The following SACS variants were observed in gnomAD, a reference collection of about 807,000 sequenced individuals.
SACS encodes the protein sacsin.
A neutral mutation model predicts 348.0 loss-of-function variants in SACS; 197 were observed. That is an observed-to-expected ratio of 0.57 (90% CI 0.50 to 0.64). The LOEUF (loss-of-function observed/expected upper bound fraction) is 0.64, where lower values mean the gene tolerates loss of function less well. Ranked by LOEUF, SACS falls within the 30% of genes least tolerant of loss-of-function variation. The pLI is 0.00. For missense variants in SACS, 4,999 were observed against 5,360.8 expected (o/e 0.93, Z 2.11); for synonymous variants, 1,985 against 1,910.6 (o/e 1.04, Z -1.02).
intron 4 of SACS, among the ~76,000 whole-genome samples, chr13:23,368,968 G>C (rs372236545): frequency 6.6e-6 from 1 of 152,208 alleles, no homozygotes; most frequent in African/African-American, 2.4e-5. Context: ...CAAAGTGCTG[G>C]GATTCCAGGC....
intron 2 of SACS, among the ~76,000 whole-genome samples, chr13:23,401,539 C>T (rs1263144811): frequency 6.6e-6 from 1 of 152,216 alleles, no homozygotes; most frequent in African/African-American, 2.4e-5. Flanking sequence ...ATCAGGACTT[C>T]CTGAGGCTAT....
rs1566056664 is a variant in SACS at position 23,331,685 on chromosome 13, G to A, written c.12191C>T (p.Pro4064Leu). 1 of 1,613,884 alleles carries A rather than the reference G, an allele frequency of 6.2e-7. No homozygotes were observed. The highest frequency in any genetic ancestry group is 8.5e-7 in the Non-Finnish European group (1 of 1,179,944). Residue 4064 changes from proline (P) to leucine (L), a missense_variant, in exon 10 of 10, where the codon CCT (proline) becomes CTT (leucine). Physicochemically the swap from Pro to Leu is moderately conservative, Grantham distance 98. Transcript: ENST00000382292. ...AGTTTCACTTCTGCTGTGGGGAATAGGATTAAAACCTTTAACTCTTAATGT... is the reference window on the plus strand; with the variant it reads ...AGTTTCACTTCTGCTGTGGGGAATAAGATTAAAACCTTTAACTCTTAATGT... ...QTTLRVKGFN[P>L]IPHSRSETFA... is the part of the protein sequence containing the mutation.
At chr13:23,364,440 C>A (rs552025119) in intron 6 of SACS, among the ~76,000 whole-genome samples, 1 of 144,246 alleles carries the variant, frequency 6.9e-6, no homozygotes, top group East Asian at 2.2e-4. Flanking sequence ...GCCACCACGC[C>A]CAGCTAATTT....
Position 23,355,067 on chromosome 13 carries a change from A to G in SACS, c.1545T>C (p.Arg515=). Reference sequence around the variant, plus strand: ...AATCAGAGCTCTTTTCCATCTCCAGACGTTTTATTGAATCTAAGATCAGAG... The same window carrying G: ...AATCAGAGCTCTTTTCCATCTCCAGGCGTTTTATTGAATCTAAGATCAGAG... ...YATLILDSIK[R]LEMEKSSDFP... Residue 515 remains arginine (R), a synonymous_variant, in exon 8 of 10, where the codon CGT becomes CGC. Coordinates refer to ENST00000382292, the MANE Select transcript of SACS (RefSeq NM_014363.6). 1 of 1,614,170 alleles carries G rather than the reference A, an allele frequency of 6.2e-7. No individual in the cohort carries two copies. Among genetic ancestry groups the G allele is most frequent in the Non-Finnish European group, 8.5e-7 (1 of 1,180,036 alleles).
intron 4 of SACS, among the ~76,000 whole-genome samples, chr13:23,369,342 T>A (rs1323432161): frequency 6.6e-6 from 1 of 152,130 alleles, no homozygotes; most frequent in Non-Finnish European, 1.5e-5. Context: ...TTCAGACAAG[T>A]GACAGGGCTG....
At chr13:23,368,288 A>G in intron 5 of SACS, 114 bp downstream of exon 5, 1 of 719,134 alleles carries the variant, frequency 1.4e-6, no homozygotes, top group East Asian at 2.7e-5. Context: ...TAATACAGCT[A>G]TTTGAATCTA....
intron 9 of SACS, 91 bp from the exon 10 acceptor site, chr13:23,341,781 T>C (rs1016777488): frequency 2.1e-5 from 1 of 47,654 alleles, no homozygotes; most frequent in South Asian, 2.8e-4. Flanking sequence ...TGGAAGGTTC[T>C]TTTTTTTTTT....
intron 1 of SACS, chr13:23,428,676 A>G (rs921868074): frequency 6.6e-6 from 1 of 152,236 alleles, no homozygotes; most frequent in South Asian, 2.1e-4. Flanking sequence ...AAAATGTACA[A>G]CAGAAAAAAT....
chr13:23,417,521 G>C (rs1289178535), intron 1 of SACS, among the ~76,000 whole-genome samples: 1 of 152,110 alleles, frequency 6.6e-6, no homozygotes, highest in South Asian at 2.1e-4. Context: ...AGGGTTTAGT[G>C]GGGGAAAGCT....
At chr13:23,413,815 T>C (rs1175941188) in intron 1 of SACS, among the ~76,000 whole-genome samples, 2 of 152,194 alleles carry the variant, frequency 1.3e-5, no homozygotes, top group Non-Finnish European at 2.9e-5. Flanking sequence ...ATTGCCATGC[T>C]AAGAAGTAGA....
At chr13:23,427,969 C>T (rs1057469004) in intron 1 of SACS, 1 of 152,230 alleles carries the variant, frequency 6.6e-6, no homozygotes, top group Admixed American at 6.5e-5. Flanking sequence ...AGTAAAGCCC[C>T]TCTTCCCTGA....
chr13:23,411,251 CT>C lies in SACS; in HGVS notation c.-13del. 6.2e-7 allele frequency: 1 copy of C among 1,606,272 alleles called. No homozygotes were observed. The highest frequency in any genetic ancestry group is 8.5e-7 in the Non-Finnish European group (1 of 1,172,958). On this transcript the variant is annotated 5_prime_UTR_variant, in exon 2 of 10. Coordinates refer to ENST00000382292, the MANE Select transcript of SACS (RefSeq NM_014363.6). ...TCCTTGGTCTCCATGATCACTTCTCCTGGGATATTTGTTTGTGAAAACCATG... is the reference window on the plus strand; with the variant it reads ...TCCTTGGTCTCCATGATCACTTCTCCGGGATATTTGTTTGTGAAAACCATG...
rs1024657900 is a variant in SACS at position 23,329,249 on chromosome 13, GGTT to G, written c.*884_*886del. On this transcript the variant is annotated 3_prime_UTR_variant, in exon 10 of 10. Transcript: ENST00000382292. ...CACTACATGCCATATTGAAAGAAAA[GGTT>G]GTTTTTTTTTTAACTGCAGCACCTT... 1.9e-5 allele frequency: 10 copies of G among 514,332 alleles called. No homozygotes were observed. The highest frequency in any genetic ancestry group is 1.0e-4 in the East Asian group (3 of 29,156). The allele number at this position is 514,332 out of a possible 1,614,324, so 31.9% of individuals were successfully genotyped here. A position where few individuals can be genotyped will look rare whatever the true frequency, so the allele number is the denominator to read the frequency against.
chr13:23,346,419 C>T (rs1255532018), intron 9 of SACS, among the ~76,000 whole-genome samples: 1 of 152,196 alleles, frequency 6.6e-6, no homozygotes, highest in Admixed American at 6.5e-5. Context: ...GCTGGGATTA[C>T]AGGCGTGAGC....
intron 4 of SACS, among the ~76,000 whole-genome samples, chr13:23,369,597 T>C (rs1001534994): frequency 1.3e-5 from 2 of 151,466 alleles, no homozygotes; most frequent in Admixed American, 6.6e-5. Flanking sequence ...CAGGCTGGAG[T>C]GCAGTGGCGC....
intron 2 of SACS, among the ~76,000 whole-genome samples, chr13:23,395,852 A>G (rs1872692940): frequency 1.3e-5 from 2 of 152,230 alleles, no homozygotes; most frequent in Non-Finnish European, 2.9e-5. Context: ...ACATGTAGCT[A>G]CAATATTCGA....
intron 2 of SACS, among the ~76,000 whole-genome samples, chr13:23,401,781 A>G (rs1872987960): frequency 6.6e-6 from 1 of 152,202 alleles, no homozygotes; most frequent in Admixed American, 6.5e-5. Flanking sequence ...TGTCCTCACC[A>G]AAAAGGGACT....
chr13:23,342,534 G>T (rs1237667603), intron 9 of SACS, among the ~76,000 whole-genome samples: 1 of 152,190 alleles, frequency 6.6e-6, no homozygotes, highest in African/African-American at 2.4e-5. Flanking sequence ...TACCAGTTGA[G>T]CATTCCAAAT....
intron 2 of SACS, among the ~76,000 whole-genome samples, chr13:23,401,322 C>T (rs1872970001): frequency 6.6e-6 from 1 of 152,210 alleles, no homozygotes; most frequent in Admixed American, 6.5e-5. Context: ...AAAGACTAAT[C>T]AGAAACTCAA....
Sources: gnomAD v4.1 joint callset for allele counts (sites outside exome capture counted in the v4.1 genomes callset) on GRCh38, gnomAD v4.1.1 for gene constraint, MANE v1.5 for transcripts, NCBI Gene and HGNC (gene_info 2026-07-23, HGNC 2026-07-21) for gene names.